PHLDB2: variants seen among roughly 807,000 people sequenced by gnomAD.
PHLDB2 encodes the protein pleckstrin homology-like domain family B member 2.
In PHLDB2, 71 loss-of-function variants were observed where a neutral mutation model predicts 123.6. That is an observed-to-expected ratio of 0.57 (90% CI 0.47 to 0.70). PHLDB2 has a LOEUF of 0.70. Among genes scored for constraint, PHLDB2 ranks in the 30% least tolerant of loss-of-function variants. The pLI, the probability that PHLDB2 is intolerant of heterozygous loss-of-function variation, is 0.00. For missense variants in PHLDB2, 1,446 were observed against 1,519.5 expected (o/e 0.95, Z 0.80); for synonymous variants, 547 against 541.6 (o/e 1.01, Z -0.14).
intron 1 of PHLDB2, among the ~76,000 whole-genome samples, chr3:111,808,573 G>C (rs2061700332): frequency 6.6e-6 from 1 of 151,890 alleles, no homozygotes; most frequent in Non-Finnish European, 1.5e-5. Context: ...CGTGGTGCTG[G>C]GGTCTGGGAC....
intron 1 of PHLDB2, among the ~76,000 whole-genome samples, chr3:111,817,438 A>G (rs1021857475): frequency 6.6e-6 from 1 of 152,216 alleles, no homozygotes; most frequent in Non-Finnish European, 1.5e-5. Context: ...AAGGAGAAAG[A>G]ATAGGATTGG....
intron 1 of PHLDB2, among the ~76,000 whole-genome samples, chr3:111,754,257 C>T (rs1170597041): frequency 2.1e-5 from 3 of 144,020 alleles, no homozygotes; most frequent in Non-Finnish European, 3.0e-5. Context: ...TCCATTTTCA[C>T]GATATTGATT....
At chr3:111,893,929 C>CT (rs1171885409) in intron 2 of PHLDB2, among the ~76,000 whole-genome samples, 2 of 52,868 alleles carry the variant, frequency 3.8e-5, no homozygotes, top group African/African-American at 1.1e-4. Context: ...TTTTATTATA[C>CT]TTTAAGTTTT....
chr3:111,749,087 A>C (rs2059727897), intron 1 of PHLDB2, among the ~76,000 whole-genome samples: 1 of 144,472 alleles, frequency 6.9e-6, no homozygotes, highest in Non-Finnish European at 1.5e-5. Flanking sequence ...AAATCCTTCC[A>C]GAACAAGAGA....
chr3:111,855,489 T>G (rs1035334763), upstream of PHLDB2, among the ~76,000 whole-genome samples: 1 of 103,724 alleles, frequency 9.6e-6, no homozygotes, highest in African/African-American at 3.7e-5. Flanking sequence ...CTCCCTTCTT[T>G]GCTTCCTTCC....
At chr3:111,905,284 C>T (rs2067443455) in intron 2 of PHLDB2, among the ~76,000 whole-genome samples, 1 of 152,112 alleles carries the variant, frequency 6.6e-6, no homozygotes, top group African/African-American at 2.4e-5. Context: ...CTAAAGTAGA[C>T]AGTAACCCTT....
chr3:111,787,997 C>G (rs2060764084), intron 1 of PHLDB2, among the ~76,000 whole-genome samples: 1 of 152,100 alleles, frequency 6.6e-6, no homozygotes, highest in South Asian at 2.1e-4. Context: ...CTGGCAAAGA[C>G]TGGAATGGGA....
Position 111,939,361 on chromosome 3 carries a change from A to G in PHLDB2, c.2131-114A>G, listed in dbSNP as rs1026165608. ...ATAGTGTTATGTTCTAACCCTGGTC[A>G]ATATTGTAACTGGAAAGATATCTTG... On this transcript the variant is annotated intron_variant, in intron 6 of 17. Transcript: ENST00000431670. 1.0e-5 allele frequency: 11 copies of G among 1,071,068 alleles called. 1 individual carries two copies. In the Admixed American group the frequency reaches 2.2e-4, roughly 21 times the overall value. 66.3% of individuals were successfully genotyped at this position (1,071,068 alleles called of 1,614,324 possible).
At chr3:111,772,290 A>G (rs2060192582) in intron 1 of PHLDB2, among the ~76,000 whole-genome samples, 2 of 152,268 alleles carry the variant, frequency 1.3e-5, no homozygotes, top group East Asian at 3.9e-4. Flanking sequence ...AAGTTCTACA[A>G]GTAGTATTTT....
intron 2 of PHLDB2, among the ~76,000 whole-genome samples, chr3:111,898,373 C>T (rs576008153): frequency 2.0e-5 from 3 of 152,086 alleles, no homozygotes; most frequent in East Asian, 1.9e-4. Context: ...GGTAGAGACA[C>T]GGTTTCACCA....
upstream of PHLDB2, among the ~76,000 whole-genome samples, chr3:111,858,040 A>T (rs149127712): frequency 0.1 from 15,338 of 152,284 alleles, 1,018 homozygotes; most frequent in Non-Finnish European, 0.14. Flanking sequence ...AATAACAAAG[A>T]CTTGGAACCA....
intron 1 of PHLDB2, among the ~76,000 whole-genome samples, chr3:111,743,681 G>A (rs916573760): frequency 3.9e-5 from 6 of 152,282 alleles, no homozygotes; most frequent in African/African-American, 1.4e-4. Context: ...ATTGTAAGCA[G>A]AATATAAGTC....
At chr3:111,852,172 A>G (rs1282978) in intron 2 of PHLDB2, among the ~76,000 whole-genome samples, 29,490 of 151,394 alleles carry the variant, frequency 0.19, 2,944 homozygotes, top group Admixed American at 0.26. Flanking sequence ...CCCTGCTCTC[A>G]GTTGTCAGAA....
intron 2 of PHLDB2, among the ~76,000 whole-genome samples, chr3:111,852,954 C>A (rs551357507): frequency 6.6e-6 from 1 of 152,188 alleles, no homozygotes; most frequent in African/African-American, 2.4e-5. Context: ...GATAAACCAG[C>A]ACATGGGGAT....
At chr3:111,939,429 G>A (rs1033998259) in intron 6 of PHLDB2, 46 bp from the exon 7 acceptor site, 3 of 1,556,426 alleles carry the variant, frequency 1.9e-6, no homozygotes, top group Non-Finnish European at 2.6e-6. Context: ...TTAAGAAGGT[G>A]GTAGTTATCT....
At chr3:111,867,847 T>TTG (rs537682925) in intron 1 of PHLDB2, among the ~76,000 whole-genome samples, 65 of 152,026 alleles carry the variant, frequency 4.3e-4, no homozygotes, top group South Asian at 1.2e-3. Flanking sequence ...GACTGCAGGC[T>TTG]TGTGCCGCCA....
At chr3:111,881,412 C>T (rs891474526) in intron 1 of PHLDB2, among the ~76,000 whole-genome samples, 4 of 152,246 alleles carry the variant, frequency 2.6e-5, no homozygotes, top group Non-Finnish European at 4.4e-5. Flanking sequence ...TACTTAAGAA[C>T]CATGAGATAT....
chr3:111,774,082 A>C (rs2060224844), intron 1 of PHLDB2, among the ~76,000 whole-genome samples: 1 of 152,246 alleles, frequency 6.6e-6, no homozygotes, highest in Non-Finnish European at 1.5e-5. Context: ...TATGAGATAC[A>C]GCCTTTAGAA....
intron 1 of PHLDB2, among the ~76,000 whole-genome samples, chr3:111,785,066 T>G (rs544836253): frequency 2.8e-4 from 43 of 152,312 alleles, no homozygotes; most frequent in Non-Finnish European, 5.3e-4. Context: ...TATAGTTCCA[T>G]CAGCTGTGTG....
Sources: allele counts gnomAD v4.1 joint callset (sites outside exome capture counted in the v4.1 genomes callset), GRCh38; gene constraint gnomAD v4.1.1; transcripts MANE v1.5; gene names NCBI Gene and HGNC (gene_info 2026-07-23, HGNC 2026-07-21).